AP2A1: variants seen among roughly 807,000 people sequenced by gnomAD.
The protein encoded by AP2A1 is AP-2 complex subunit alpha-1.
In AP2A1, 21 loss-of-function variants were observed where a neutral mutation model predicts 107.3. The ratio of observed to expected loss-of-function variants is 0.20; its 90% CI spans 0.14 to 0.28. The LOEUF (loss-of-function observed/expected upper bound fraction) is 0.28. Among genes scored for constraint, AP2A1 ranks in the 10% least tolerant of loss-of-function variants. The probability of loss-of-function intolerance (pLI) is 1.00; values close to 1 mark genes in which losing one functional copy is unlikely to be tolerated. For synonymous variants in AP2A1, 602 were observed against 564.8 expected, an observed-to-expected ratio of 1.07 and a Z score of -0.93; for missense variants, 873 against 1,307.7, an observed-to-expected ratio of 0.67 and a Z score of 5.13.
At chr19:49,774,592 G>A (rs1418932980) in intron 1 of AP2A1, among the ~76,000 whole-genome samples, 4 of 150,940 alleles carry the variant, frequency 2.7e-5, no homozygotes, top group Non-Finnish European at 4.4e-5. Context: ...CTCTGTCCAC[G>A]CCCGGCATAT....
At chr19:49,794,060 C>G (rs1371683873) in intron 6 of AP2A1, among the ~76,000 whole-genome samples, 1 of 147,468 alleles carries the variant, frequency 6.8e-6, no homozygotes, top group Non-Finnish European at 1.5e-5. Flanking sequence ...GCCACTATGC[C>G]CGGCTAATTT....
chr19:49,775,655 A>G (rs1442062469), intron 1 of AP2A1, among the ~76,000 whole-genome samples: 2 of 152,108 alleles, frequency 1.3e-5, no homozygotes, highest in Admixed American at 1.3e-4. Flanking sequence ...TGCCTGTCTC[A>G]GCCTCCCAAA....
chr19:49,790,795 C>A (rs150885454), intron 4 of AP2A1, among the ~76,000 whole-genome samples: 190 of 152,340 alleles, frequency 1.2e-3, no homozygotes, highest in African/African-American at 4.2e-3. Flanking sequence ...TAAGCCAGAT[C>A]AAAAATACAC....
chr19:49,786,729 C>T (rs1258750575), intron 4 of AP2A1, among the ~76,000 whole-genome samples: 11 of 152,200 alleles, frequency 7.2e-5, no homozygotes, highest in Admixed American at 7.2e-4. Context: ...AGGACAAGGA[C>T]AGGCAGTCAG....
rs763768533 is a variant in AP2A1 at position 49,801,520 on chromosome 19, G to A, written c.1684G>A (p.Val562Ile). 10 of 1,613,590 alleles carry A rather than the reference G, an allele frequency of 6.2e-6. No individual in the cohort carries two copies. The highest frequency in any genetic ancestry group is 8.5e-6 in the Non-Finnish European group (10 of 1,179,842). Residue 562 changes from valine to isoleucine, a missense_variant, in exon 13 of 23, where the codon GTC becomes ATC. By Grantham distance (29) the Val-to-Ile change is conservative. Around this residue, in one of 4 missense-constraint regions of AP2A1, gnomAD observed 213 missense variants for 443.5 expected, o/e 0.48. Transcript: ENST00000354293. ...FPETKATIQG[V>I]LRAGSQLRNA... is the part of the protein sequence containing the mutation. ...CGAGACCAAGGCCACCATCCAGGGC[G>A]TCCTGCGGGCCGGCTCCCAGCTGCG... is the stretch of plus-strand genomic sequence containing the variant.
At chr19:49,787,706 G>A (rs920364756) in intron 4 of AP2A1, among the ~76,000 whole-genome samples, 5 of 151,848 alleles carry the variant, frequency 3.3e-5, no homozygotes, top group Non-Finnish European at 5.9e-5. Context: ...ATGATGCTGT[G>A]CAACAACCAC....
intron 6 of AP2A1, 25 bp from the exon 7 acceptor site, chr19:49,795,605 C>CA: frequency 1.2e-6 from 1 of 812,230 alleles, no homozygotes; most frequent in African/African-American, 1.8e-5. Context: ...CAGCCCCCAA[C>CA]TTATTTCTTG....
At position 49,801,895 on chromosome 19, in the gene AP2A1, T is replaced by C. The variant is rs559483027; in HGVS notation, c.1953+6T>C. ...AGCCCACCCCCAGCACTGTGGTGAG[T>C]CCCCTGGGGTGGGCCCTGCCAGGGT... On this transcript the variant is annotated splice_donor_region_variant and intron_variant, in intron 14 of 22. Coordinates refer to ENST00000354293, the MANE Select transcript of AP2A1 (RefSeq NM_130787.3). 1.8e-5 allele frequency: 26 copies of C among 1,471,980 alleles called. No individual in the cohort carries two copies. In the East Asian group the frequency reaches 4.8e-4, roughly 27 times the overall value. 91.2% of individuals were successfully genotyped at this position (1,471,980 alleles called of 1,614,324 possible).
At chr19:49,789,851 C>T (rs2073120488) in intron 4 of AP2A1, among the ~76,000 whole-genome samples, 1 of 152,202 alleles carries the variant, frequency 6.6e-6, no homozygotes, top group African/African-American at 2.4e-5. Context: ...GTCACAACCT[C>T]ATGCAGGCGT....
intron 1 of AP2A1, among the ~76,000 whole-genome samples, chr19:49,777,043 A>G (rs2084623741): frequency 6.6e-6 from 1 of 150,608 alleles, no homozygotes; most frequent in South Asian, 2.1e-4. Context: ...AGTCTGGTCA[A>G]CATGGTGAAA....
At chr19:49,774,206 C>G (rs2084593825) in intron 1 of AP2A1, among the ~76,000 whole-genome samples, 2 of 152,206 alleles carry the variant, frequency 1.3e-5, no homozygotes, top group African/African-American at 4.8e-5. Context: ...CTTTGGTCCA[C>G]AAATCCGCAT....
intron 1 of AP2A1, 133 bp downstream of exon 1, chr19:49,767,333 C>T: frequency 2.6e-6 from 3 of 1,143,740 alleles, no homozygotes; most frequent in Middle Eastern, 2.6e-4. Context: ...AGATGGGCCC[C>T]AGGAAGAACT....
At chr19:49,791,744 T>C in intron 4 of AP2A1, 191 bp from the exon 5 acceptor site, 1 of 610,756 alleles carries the variant, frequency 1.6e-6, no homozygotes, top group Non-Finnish European at 2.8e-6. Context: ...GATGCAATCA[T>C]TTTGCAGATG....
At chr19:49,789,251 C>T (rs1283921070) in intron 4 of AP2A1, among the ~76,000 whole-genome samples, 1 of 152,158 alleles carries the variant, frequency 6.6e-6, no homozygotes, top group Non-Finnish European at 1.5e-5. Flanking sequence ...GCTCCCAGCA[C>T]CTCCTCTTAC....
At chr19:49,772,258 T>TG (rs2084568801) in intron 1 of AP2A1, among the ~76,000 whole-genome samples, 1 of 104,626 alleles carries the variant, frequency 9.6e-6, no homozygotes, top group African/African-American at 3.3e-5. Flanking sequence ...TTTTTTTTTT[T>TG]TTTTTTTTTT....
At position 49,785,766 on chromosome 19, in the gene AP2A1, A is replaced by G. The variant is rs1301010694; in HGVS notation, c.473+3042A>G. Among the ~76,000 whole-genome samples the G allele has an allele frequency of 6.6e-6, 1 of 151,942 alleles. No individual in the cohort carries two copies. The highest frequency in any genetic ancestry group is 1.9e-4 in the East Asian group (1 of 5,188). On this transcript the variant is annotated intron_variant, in intron 4 of 22. Transcript: ENST00000354293. This position sits in a 1 kb window ranked among gnomAD's most constrained non-coding sequence, Gnocchi z 4.1. The stretch of plus-strand genomic sequence containing the variant: ...GCCCCGTCTCTACTAAAAATACAAA[A>G]ATTAGTCAGGTGTGGTGGCGGGCAC...
At chr19:49,790,561 G>T (rs2073129524) in intron 4 of AP2A1, among the ~76,000 whole-genome samples, 1 of 152,110 alleles carries the variant, frequency 6.6e-6, no homozygotes. Flanking sequence ...ACCACGCTTG[G>T]CTAATTCTCA....
intron 18 of AP2A1, among the ~76,000 whole-genome samples, chr19:49,804,705 C>T (rs1034707527): frequency 2.6e-5 from 4 of 152,156 alleles, no homozygotes; most frequent in African/African-American, 9.7e-5. Flanking sequence ...GTGTACTTAC[C>T]ATGTGCCGGG....
At chr19:49,769,804 G>A (rs1388979140) in intron 1 of AP2A1, among the ~76,000 whole-genome samples, 1 of 152,176 alleles carries the variant, frequency 6.6e-6, no homozygotes, top group African/African-American at 2.4e-5. Flanking sequence ...TTAGGAGGGT[G>A]TTGCAGGCCT....
Sources: allele counts gnomAD v4.1 joint callset (sites outside exome capture counted in the v4.1 genomes callset), GRCh38; gene constraint gnomAD v4.1.1; regional missense constraint gnomAD v4.1.1; non-coding constraint Gnocchi (gnomAD v3.1); transcripts MANE v1.5; gene names NCBI Gene and HGNC (gene_info 2026-07-23, HGNC 2026-07-21).